DPYD: variants seen among roughly 807,000 people sequenced by gnomAD.
DPYD encodes dihydropyrimidine dehydrogenase.
DPYD carries 109 observed loss-of-function variants against 116.2 expected under a neutral mutation model. The observed-to-expected ratio is 0.94, with a 90% CI of 0.80 to 1.10. The LOEUF (loss-of-function observed/expected upper bound fraction) is 1.10, where lower values mean the gene tolerates loss of function less well. DPYD is among the 50% of genes least tolerant of loss of function. The probability of loss-of-function intolerance (pLI) is 0.00; values close to 1 mark genes in which losing one functional copy is unlikely to be tolerated. For synonymous variants in DPYD, 440 were observed against 432.0 expected (o/e 1.02, Z -0.23); for missense variants, 1,302 against 1,254.5 (o/e 1.04, Z -0.57).
At chr1:97,280,536 C>T (rs1331501674) in intron 18 of DPYD, among the ~76,000 whole-genome samples, 1 of 152,104 alleles carries the variant, frequency 6.6e-6, no homozygotes, top group Non-Finnish European at 1.5e-5. Context: ...GTGGTATGTA[C>T]GCAATGGAAT....
intron 4 of DPYD, among the ~76,000 whole-genome samples, chr1:97,726,286 G>A (rs866935607): frequency 6.1e-4 from 92 of 151,442 alleles, no homozygotes; most frequent in African/African-American, 1.7e-3. Context: ...TTGTTCCCTT[G>A]TATTTAAAGA....
chr1:97,125,342 GA>G (rs1280333647), intron 20 of DPYD, among the ~76,000 whole-genome samples: 1 of 152,050 alleles, frequency 6.6e-6, no homozygotes, highest in Non-Finnish European at 1.5e-5. Flanking sequence ...CAAAAAAACA[GA>G]AAAAGTATTA....
At chr1:97,824,575 T>A (rs1669134333) in intron 3 of DPYD, among the ~76,000 whole-genome samples, 1 of 152,162 alleles carries the variant, frequency 6.6e-6, no homozygotes, top group South Asian at 2.1e-4. Flanking sequence ...TCACACTAAA[T>A]GGCACAGATG....
intron 16 of DPYD, among the ~76,000 whole-genome samples, chr1:97,373,305 A>G (rs1570612981): frequency 6.6e-6 from 1 of 152,212 alleles, no homozygotes; most frequent in Non-Finnish European, 1.5e-5. Flanking sequence ...GCGCTTTTAA[A>G]AACTATTTGT....
In DPYD at chr1:97,909,950, C is replaced by T. The variant is rs544532518; in HGVS notation, c.39+10934G>A. ...AAATTTGTGTTCCCCACACCTCTTACTTTTTTTGTTTACCAAAGTTCAGTC... is the reference window on the plus strand; with the variant it reads ...AAATTTGTGTTCCCCACACCTCTTATTTTTTTTGTTTACCAAAGTTCAGTC... On this transcript the variant is annotated intron_variant, in intron 1 of 22. Coordinates refer to ENST00000370192, the MANE Select transcript of DPYD (RefSeq NM_000110.4). Among the ~76,000 whole-genome samples, 13 of 152,118 alleles carry T rather than the reference C, an allele frequency of 8.5e-5. No individual in the cohort carries two copies. In the South Asian group the frequency reaches 2.5e-3, roughly 29 times the overall value.
chr1:97,111,223 T>C (rs1570473072), intron 20 of DPYD, among the ~76,000 whole-genome samples: 1 of 152,142 alleles, frequency 6.6e-6, no homozygotes, highest in African/African-American at 2.4e-5. Flanking sequence ...GTATAACGTA[T>C]CCTCCTTATA....
chr1:97,700,703 A>C (rs1661549806), intron 5 of DPYD, among the ~76,000 whole-genome samples: 1 of 152,082 alleles, frequency 6.6e-6, no homozygotes, highest in South Asian at 2.1e-4. Context: ...AAACCTAAAA[A>C]AATTGAAAGA....
chr1:97,191,119 TAAGA>T (rs1570635629), intron 20 of DPYD, among the ~76,000 whole-genome samples: 5 of 150,986 alleles, frequency 3.3e-5, no homozygotes, highest in South Asian at 4.2e-4. Context: ...GCAGCAACAT[TAAGA>T]AAGAATGATT....
At chr1:97,824,939 T>C (rs1669160587) in intron 3 of DPYD, among the ~76,000 whole-genome samples, 1 of 152,162 alleles carries the variant, frequency 6.6e-6, no homozygotes, top group Non-Finnish European at 1.5e-5. Flanking sequence ...AGTCTTTTCC[T>C]TGAGTTGTTG....
intron 3 of DPYD, chr1:97,797,544 A>T (rs564294752): frequency 6.6e-6 from 1 of 152,218 alleles, no homozygotes; most frequent in East Asian, 1.9e-4. Flanking sequence ...CTGAATTAGA[A>T]GCGTATATTT....
At chr1:97,215,814 A>G (rs911522822) in intron 19 of DPYD, among the ~76,000 whole-genome samples, 2 of 152,166 alleles carry the variant, frequency 1.3e-5, no homozygotes, top group Non-Finnish European at 2.9e-5. Flanking sequence ...GTGGTATAAG[A>G]TACTTGTGAC....
At chr1:97,638,796 CAT>C (rs1295450670) in intron 8 of DPYD, among the ~76,000 whole-genome samples, 1 of 151,934 alleles carries the variant, frequency 6.6e-6, no homozygotes, top group Non-Finnish European at 1.5e-5. Context: ...AACCAGGTCT[CAT>C]GTGAACTTAC....
chr1:97,407,197 T>C (rs1673709384), intron 14 of DPYD, among the ~76,000 whole-genome samples: 1 of 152,146 alleles, frequency 6.6e-6, no homozygotes, highest in Non-Finnish European at 1.5e-5. Context: ...TAATGAAAAC[T>C]CTTAAAATAA....
chr1:97,884,609 T>C (rs907450908), intron 1 of DPYD, among the ~76,000 whole-genome samples: 3 of 152,100 alleles, frequency 2.0e-5, no homozygotes, highest in Non-Finnish European at 2.9e-5. Flanking sequence ...TTTTAAATGA[T>C]GTTCATTTCA....
At chr1:97,205,329 C>T (rs1232224463) in intron 19 of DPYD, among the ~76,000 whole-genome samples, 3 of 151,922 alleles carry the variant, frequency 2.0e-5, no homozygotes, top group African/African-American at 7.3e-5. Context: ...TCACCCTCAC[C>T]TCCCCCATCC....
chr1:97,805,884 G>A (rs1420084657), intron 3 of DPYD, among the ~76,000 whole-genome samples: 1 of 151,804 alleles, frequency 6.6e-6, no homozygotes, highest in Non-Finnish European at 1.5e-5. Flanking sequence ...GGCTAAAAAA[G>A]AGAGGCTAGA....
intron 4 of DPYD, among the ~76,000 whole-genome samples, chr1:97,724,245 T>C (rs1296189338): frequency 6.6e-6 from 1 of 150,706 alleles, no homozygotes; most frequent in East Asian, 1.9e-4. Context: ...ACTGCATTAG[T>C]CAAGGAGTCA....
chr1:97,554,096 C>A (rs561634899), intron 11 of DPYD, among the ~76,000 whole-genome samples: 52 of 152,168 alleles, frequency 3.4e-4, no homozygotes, highest in African/African-American at 1.2e-3. Context: ...ATTTTTTATA[C>A]AGACTTAATG....
chr1:97,270,736 G>A (rs755601101), intron 18 of DPYD, among the ~76,000 whole-genome samples: 24 of 152,178 alleles, frequency 1.6e-4, no homozygotes, highest in Admixed American at 8.5e-4. Flanking sequence ...TTCTTCAAGA[G>A]CCATCCTTGC....
Sources: gnomAD v4.1 joint callset for allele counts (sites outside exome capture counted in the v4.1 genomes callset) on GRCh38, gnomAD v4.1.1 for gene constraint, MANE v1.5 for transcripts, NCBI Gene and HGNC (gene_info 2026-07-23, HGNC 2026-07-21) for gene names.